ERBB4: variants seen among roughly 807,000 people sequenced by gnomAD.
The protein encoded by ERBB4 is erb-b2 receptor tyrosine kinase 4, also known as receptor tyrosine-protein kinase erbB-4.
ERBB4 carries 42 observed loss-of-function variants against 158.0 expected under a neutral mutation model. That is an observed-to-expected ratio of 0.27 (90% CI 0.21 to 0.34). The LOEUF (loss-of-function observed/expected upper bound fraction) is 0.34, where lower values mean the gene tolerates loss of function less well. Ranked by LOEUF, ERBB4 falls within the 10% of genes least tolerant of loss-of-function variation. The pLI, the probability that ERBB4 is intolerant of heterozygous loss-of-function variation, is 1.00. For missense variants in ERBB4, 1,333 were observed against 1,624.1 expected, an observed-to-expected ratio of 0.82 and a Z score of 3.08; for synonymous variants, 583 against 558.7, an observed-to-expected ratio of 1.04 and a Z score of -0.61.
chr2:212,479,911 C>T (rs191974666), intron 1 of ERBB4, among the ~76,000 whole-genome samples: 2 of 152,192 alleles, frequency 1.3e-5, no homozygotes, highest in South Asian at 2.1e-4. Flanking sequence ...CATGGCCTCA[C>T]AAAGAAAATC....
intron 4 of ERBB4, among the ~76,000 whole-genome samples, chr2:211,782,890 T>C (rs550683348): frequency 6.6e-6 from 1 of 152,284 alleles, no homozygotes; most frequent in Admixed American, 6.5e-5. Flanking sequence ...TTTAAAGTAG[T>C]TTTTTCCAAT....
chr2:212,138,141 T>C (rs1260976730), intron 1 of ERBB4, among the ~76,000 whole-genome samples: 4 of 152,170 alleles, frequency 2.6e-5, no homozygotes, highest in African/African-American at 9.7e-5. Flanking sequence ...TATCTGACTT[T>C]GATTCACTGC....
At chr2:212,188,600 A>G (rs1163020324) in intron 1 of ERBB4, among the ~76,000 whole-genome samples, 1 of 151,946 alleles carries the variant, frequency 6.6e-6, no homozygotes, top group Non-Finnish European at 1.5e-5. Context: ...GTCTCTGCAT[A>G]TCTCTTTTGC....
intron 3 of ERBB4, among the ~76,000 whole-genome samples, chr2:211,794,827 A>G (rs549581580): frequency 6.6e-6 from 1 of 151,984 alleles, no homozygotes; most frequent in South Asian, 2.1e-4. Context: ...TCAACGTCTA[A>G]CTTTTTTCTA....
rs1553576309 is a variant in ERBB4, at chr2:211,580,907, A to ATATATACAC, written c.2302-18820_2302-18819insGTGTATATA. Among the ~76,000 whole-genome samples, 10 of 91,800 alleles carry ATATATACAC rather than the reference A, an allele frequency of 1.1e-4. 1 individual carries two copies. The highest frequency in any genetic ancestry group is 3.3e-4 in the African/African-American group (8 of 24,398). The allele number at this position is 91,800 out of a possible 152,430, so 60.2% of individuals were successfully genotyped here. A position where few individuals can be genotyped will look rare whatever the true frequency, so the allele number is the denominator to read the frequency against. ...TATATATATATATATATATATATAT[A>ATATATACAC]TATATATATGATGGAATACTACTTA... On this transcript the variant is annotated intron_variant, in intron 19 of 27. Transcript: ENST00000342788.
intron 2 of ERBB4, among the ~76,000 whole-genome samples, chr2:211,978,779 T>C (rs1243321690): frequency 6.6e-6 from 1 of 152,150 alleles, no homozygotes; most frequent in Non-Finnish European, 1.5e-5. Flanking sequence ...CCATCATAAA[T>C]TGGTGAACAT....
At chr2:212,412,820 G>A (rs569544720) in intron 1 of ERBB4, among the ~76,000 whole-genome samples, 19 of 152,252 alleles carry the variant, frequency 1.2e-4, no homozygotes, top group African/African-American at 4.3e-4. Flanking sequence ...ATGCATTTGT[G>A]TACAATGTTA....
At chr2:211,405,806 C>T (rs2063134277) in intron 25 of ERBB4, among the ~76,000 whole-genome samples, 1 of 152,176 alleles carries the variant, frequency 6.6e-6, no homozygotes, top group Non-Finnish European at 1.5e-5. Context: ...GCTCTAGACA[C>T]ACATTCCTAT....
chr2:211,846,657 T>A (rs181954117), intron 3 of ERBB4, among the ~76,000 whole-genome samples: 51 of 152,234 alleles, frequency 3.4e-4, no homozygotes, highest in African/African-American at 1.1e-3. Context: ...AGGATCATTA[T>A]CCTACTTTAA....
rs74691007 is a variant in ERBB4, at chr2:211,647,007, C to A, written c.1946+10747G>T. ...TACCTGTACGTCTCCTCCCTTTGGG[C>A]AAAATGATTTCATCTACAATCTCAA... On this transcript the variant is annotated intron_variant, in intron 16 of 27. Coordinates refer to ENST00000342788, the MANE Select transcript of ERBB4 (RefSeq NM_005235.3). Among the ~76,000 whole-genome samples the A allele has an allele frequency of 4.6e-3, 700 of 151,702 alleles. 3 individuals carry two copies. Among genetic ancestry groups the A allele is most frequent in the Non-Finnish European group, 7.7e-3 (522 of 67,594 alleles).
chr2:211,414,763 C>T (rs2063345422), intron 25 of ERBB4, among the ~76,000 whole-genome samples: 1 of 152,044 alleles, frequency 6.6e-6, no homozygotes, highest in African/African-American at 2.4e-5. Context: ...CCTCCATCCC[C>T]TCTGTTAGCT....
At chr2:212,427,037 T>G (rs1574899081) in intron 1 of ERBB4, among the ~76,000 whole-genome samples, 3 of 152,208 alleles carry the variant, frequency 2.0e-5, no homozygotes, top group African/African-American at 4.8e-5. Flanking sequence ...CATAGACAAC[T>G]GTTTTACACC....
intron 16 of ERBB4, among the ~76,000 whole-genome samples, chr2:211,640,237 T>C (rs975622339): frequency 3.3e-5 from 5 of 152,180 alleles, no homozygotes; most frequent in African/African-American, 1.2e-4. Context: ...TTTATTCAGA[T>C]GATGTATTTT....
At chr2:211,679,226 G>A (rs1380198186) in intron 12 of ERBB4, 42 bp from the exon 13 acceptor site, 2 of 1,608,410 alleles carry the variant, frequency 1.2e-6, no homozygotes, top group Non-Finnish European at 1.7e-6. Flanking sequence ...ACAGAGGATT[G>A]TGTCAAAACT....
chr2:211,442,491 C>A (rs1457913895), intron 20 of ERBB4, among the ~76,000 whole-genome samples: 2 of 152,046 alleles, frequency 1.3e-5, no homozygotes, highest in African/African-American at 4.8e-5. Context: ...GCAGCTAAAT[C>A]AAAGTTTTTT....
chr2:211,907,638 T>C (rs1370969439), intron 3 of ERBB4, among the ~76,000 whole-genome samples: 1 of 151,654 alleles, frequency 6.6e-6, no homozygotes, highest in African/African-American at 2.4e-5. Flanking sequence ...CTGAATACTA[T>C]GAGCTTCACT....
At chr2:212,532,542 A>G (rs1391357666) in intron 1 of ERBB4, among the ~76,000 whole-genome samples, 1 of 152,278 alleles carries the variant, frequency 6.6e-6, no homozygotes, top group Non-Finnish European at 1.5e-5. Context: ...TAATTGAATT[A>G]TTAAAAACAT....
intron 16 of ERBB4, among the ~76,000 whole-genome samples, chr2:211,653,601 T>C (rs1453856076): frequency 6.6e-6 from 1 of 152,012 alleles, no homozygotes; most frequent in Admixed American, 6.6e-5. Context: ...TTTCTGTGAC[T>C]AAAAATAAAC....
At chr2:211,952,754 TA>T (rs1447363604) in intron 2 of ERBB4, among the ~76,000 whole-genome samples, 3 of 151,940 alleles carry the variant, frequency 2.0e-5, no homozygotes, top group African/African-American at 7.3e-5. Flanking sequence ...AAAACCGTAA[TA>T]GGGGTTAGAA....
Sources: gnomAD v4.1 joint callset for allele counts (sites outside exome capture counted in the v4.1 genomes callset) on GRCh38, gnomAD v4.1.1 for gene constraint, MANE v1.5 for transcripts, NCBI Gene and HGNC (gene_info 2026-07-23, HGNC 2026-07-21) for gene names.